Variants in POU6F2 observed in about 807,000 individuals in gnomAD.
The protein encoded by POU6F2 is POU class 6 homeobox 2.
Under a neutral mutation model 71.3 loss-of-function variants are expected in POU6F2, and 31 were observed. The observed-to-expected ratio is 0.43, with a 90% CI of 0.33 to 0.59. The LOEUF is 0.59. Among genes scored for constraint, POU6F2 ranks in the 20% least tolerant of loss-of-function variants. The probability of loss-of-function intolerance (pLI) is 0.04; values close to 1 mark genes in which losing one functional copy is unlikely to be tolerated. For synonymous variants in POU6F2, 347 were observed against 355.7 expected (o/e 0.98, Z 0.27); for missense variants, 783 against 856.8 (o/e 0.91, Z 1.07).
chr7:39,318,301 G>A (rs1785313649), intron 4 of POU6F2, among the ~76,000 whole-genome samples: 1 of 152,234 alleles, frequency 6.6e-6, no homozygotes, highest in African/African-American at 2.4e-5. Flanking sequence ...CTTGTTTAAA[G>A]GCTGCCAATT....
At chr7:39,107,106 G>T (rs1001104634) in intron 2 of POU6F2, among the ~76,000 whole-genome samples, 1 of 133,752 alleles carries the variant, frequency 7.5e-6, no homozygotes, top group East Asian at 2.3e-4. Flanking sequence ...GTGTAGTGTT[G>T]TGATCACAGC....
intron 5 of POU6F2, among the ~76,000 whole-genome samples, chr7:39,370,936 T>C (rs993609088): frequency 6.6e-6 from 1 of 152,114 alleles, no homozygotes; most frequent in Non-Finnish European, 1.5e-5. Flanking sequence ...CATCTCCTTC[T>C]CAATATGTAG....
intron 4 of POU6F2, among the ~76,000 whole-genome samples, chr7:39,230,457 C>T (rs1161577855): frequency 1.3e-5 from 2 of 151,470 alleles, no homozygotes; most frequent in Non-Finnish European, 2.9e-5. Context: ...ACACTCCAGC[C>T]TGGGTGACAG....
intron 2 of POU6F2, among the ~76,000 whole-genome samples, chr7:39,172,716 G>T (rs1159905621): frequency 6.6e-6 from 1 of 151,566 alleles, no homozygotes; most frequent in African/African-American, 2.4e-5. Context: ...GACCTCCCCG[G>T]CTCAAGTGAT....
chr7:39,133,107 C>T (rs1041424776), intron 2 of POU6F2, among the ~76,000 whole-genome samples: 3 of 152,212 alleles, frequency 2.0e-5, no homozygotes, highest in African/African-American at 2.4e-5. Flanking sequence ...ACCTGCCTAT[C>T]AAATATAAAT....
chr7:39,281,406 A>G (rs111767883), intron 4 of POU6F2, among the ~76,000 whole-genome samples: 2 of 152,250 alleles, frequency 1.3e-5, no homozygotes, highest in African/African-American at 4.8e-5. Context: ...TACTCCTCCT[A>G]TCTAACTGTA....
chr7:39,175,140 G>T (rs1191685857), intron 2 of POU6F2, among the ~76,000 whole-genome samples: 2 of 151,820 alleles, frequency 1.3e-5, no homozygotes, highest in Non-Finnish European at 2.9e-5. Flanking sequence ...CCCTTGAATG[G>T]GTGCCCTTTT....
At chr7:39,059,179 C>T (rs1562689511) in intron 1 of POU6F2, among the ~76,000 whole-genome samples, 1 of 151,958 alleles carries the variant, frequency 6.6e-6, no homozygotes, top group Non-Finnish European at 1.5e-5. Context: ...TATCAGCTCA[C>T]GTGTTCATGT....
chr7:39,271,245 T>G (rs1784333593), intron 4 of POU6F2, among the ~76,000 whole-genome samples: 3 of 152,148 alleles, frequency 2.0e-5, no homozygotes, highest in African/African-American at 4.8e-5. Flanking sequence ...TGGATAAAGT[T>G]TTATTGGAAC....
At chr7:39,379,659 G>A (rs772154019) in intron 5 of POU6F2, among the ~76,000 whole-genome samples, 10 of 152,030 alleles carry the variant, frequency 6.6e-5, no homozygotes, top group East Asian at 1.9e-4. Context: ...TATTTTCCAC[G>A]ATGATTACTA....
intron 4 of POU6F2, among the ~76,000 whole-genome samples, chr7:39,321,285 C>T (rs1016160927): frequency 2.0e-5 from 3 of 151,960 alleles, no homozygotes; most frequent in Non-Finnish European, 4.4e-5. Flanking sequence ...TAAATGGGAG[C>T]GGAAGAGGCT....
chr7:39,089,060 A>G (rs1001290439), intron 2 of POU6F2, among the ~76,000 whole-genome samples: 1 of 152,196 alleles, frequency 6.6e-6, no homozygotes, highest in Non-Finnish European at 1.5e-5. Flanking sequence ...TACCAGAAGG[A>G]GAAAGGAGAA....
At chr7:39,139,085 G>C (rs928904961) in intron 2 of POU6F2, among the ~76,000 whole-genome samples, 1 of 151,994 alleles carries the variant, frequency 6.6e-6, no homozygotes, top group African/African-American at 2.4e-5. Context: ...AAGAATTTTT[G>C]AACCAGGGGC....
intron 4 of POU6F2, among the ~76,000 whole-genome samples, chr7:39,223,994 T>G (rs1281701237): frequency 6.6e-6 from 1 of 152,188 alleles, no homozygotes; most frequent in Non-Finnish European, 1.5e-5. Context: ...CAATAGATGA[T>G]TTTGTTTAAG....
intron 5 of POU6F2, among the ~76,000 whole-genome samples, chr7:39,386,937 A>T (rs1334454467): frequency 6.6e-6 from 1 of 152,236 alleles, no homozygotes; most frequent in Non-Finnish European, 1.5e-5. Context: ...CATTGGGCTC[A>T]TGACATCAAC....
At position 39,235,553 on chromosome 7, in the gene POU6F2, C is replaced by T. The variant is rs1464773985; in HGVS notation, c.598+27933C>T. Among the ~76,000 whole-genome samples, 5 of 152,156 alleles carry T rather than the reference C, an allele frequency of 3.3e-5. No homozygotes were observed. The East Asian group carries it at 7.7e-4, about 23-fold the overall frequency. On this transcript the variant is annotated intron_variant, in intron 4 of 9. Coordinates refer to ENST00000518318, the MANE Select transcript of POU6F2 (RefSeq NM_001370959.1). ...TGAGAGTCAAAGTTTCAGCCTGTTT[C>T]CCCTCTGAGGTCCTTGGTGTTGACA...
rs1165736377 is a variant in POU6F2, at chr7:39,465,539, T to C, written c.*853T>C. 6 of 152,174 alleles carry C rather than the reference T, an allele frequency of 3.9e-5. No individual in the cohort carries two copies. The highest frequency in any genetic ancestry group is 9.7e-5 in the African/African-American group (4 of 41,444). 9.4% of individuals were successfully genotyped at this position (152,174 alleles called of 1,614,324 possible). A position where few individuals can be genotyped will look rare whatever the true frequency, so the allele number is the denominator to read the frequency against. ...GACTTGTGGGTTTGAGAAAAGAAAATGGAGCTCGCATTTCTCTCTTTTCCT... is the reference window on the plus strand; with the variant it reads ...GACTTGTGGGTTTGAGAAAAGAAAACGGAGCTCGCATTTCTCTCTTTTCCT... On this transcript the variant is annotated 3_prime_UTR_variant, in exon 10 of 10. Coordinates refer to ENST00000518318, the MANE Select transcript of POU6F2 (RefSeq NM_001370959.1).
intron 1 of POU6F2, among the ~76,000 whole-genome samples, chr7:39,009,927 G>T (rs926544466): frequency 6.6e-6 from 1 of 151,868 alleles, no homozygotes; most frequent in Non-Finnish European, 1.5e-5. Context: ...CGGTTTGCCA[G>T]TATTTTATTG....
chr7:39,287,002 A>G (rs1031316062), intron 4 of POU6F2, among the ~76,000 whole-genome samples: 2 of 151,506 alleles, frequency 1.3e-5, no homozygotes, highest in African/African-American at 4.9e-5. Flanking sequence ...TGAAATTCCT[A>G]ACTTAAAAGA....
Sources: gnomAD v4.1 joint callset for allele counts (sites outside exome capture counted in the v4.1 genomes callset) on GRCh38, gnomAD v4.1.1 for gene constraint, MANE v1.5 for transcripts, NCBI Gene and HGNC (gene_info 2026-07-23, HGNC 2026-07-21) for gene names.